RALGAPA2: variants seen among roughly 807,000 people sequenced by gnomAD.
RALGAPA2 encodes Ral GTPase activating protein catalytic subunit alpha 2, also known as ral GTPase-activating protein subunit alpha-2.
A neutral mutation model predicts 230.4 loss-of-function variants in RALGAPA2; 139 were observed. The ratio of observed to expected loss-of-function variants is 0.60; its 90% confidence interval spans 0.53 to 0.69. The LOEUF is 0.69. Among genes scored for constraint, RALGAPA2 ranks in the 30% least tolerant of loss-of-function variants. RALGAPA2 has a pLI of 0.00. For missense variants in RALGAPA2, 2,163 were observed against 2,276.0 expected (o/e 0.95, Z 1.01); for synonymous variants, 847 against 837.8 (o/e 1.01, Z -0.19).
chr20:20,537,951 C>CTAAG (rs2063541318), intron 24 of RALGAPA2, among the ~76,000 whole-genome samples: 1 of 152,198 alleles, frequency 6.6e-6, no homozygotes, highest in African/African-American at 2.4e-5. Context: ...CATATGGCTC[C>CTAAG]TAAGTGATGC....
chr20:20,710,615 T>C (rs1277976369), intron 1 of RALGAPA2, among the ~76,000 whole-genome samples: 1 of 152,132 alleles, frequency 6.6e-6, no homozygotes, highest in Non-Finnish European at 1.5e-5. Flanking sequence ...GAGGTCATGA[T>C]GAGTTCAGTG....
At chr20:20,451,929 TATAA>T (rs1171893409) in intron 37 of RALGAPA2, among the ~76,000 whole-genome samples, 2 of 152,258 alleles carry the variant, frequency 1.3e-5, no homozygotes, top group Non-Finnish European at 2.9e-5. Context: ...TTTAAAATAC[TATAA>T]TGTGAGCTTG....
At chr20:20,654,260 C>G (rs907934829) in intron 3 of RALGAPA2, among the ~76,000 whole-genome samples, 6 of 152,176 alleles carry the variant, frequency 3.9e-5, no homozygotes, top group Non-Finnish European at 7.4e-5. Context: ...GTGATTTCAG[C>G]TCACTGCAAC....
At chr20:20,521,447 C>T (rs1173118551) in intron 30 of RALGAPA2, among the ~76,000 whole-genome samples, 1 of 151,970 alleles carries the variant, frequency 6.6e-6, no homozygotes, top group African/African-American at 2.4e-5. Context: ...AGGCCAATCA[C>T]GGTGGAGGGT....
At chr20:20,665,107 C>G (rs1318010878) in intron 3 of RALGAPA2, among the ~76,000 whole-genome samples, 1 of 152,182 alleles carries the variant, frequency 6.6e-6, no homozygotes, top group Non-Finnish European at 1.5e-5. Flanking sequence ...AAAAAATCAA[C>G]TTACCAAAAC....
rs187123315 is a variant in RALGAPA2, at chr20:20,619,204, C to T, written c.1539+73G>A. 59 of 1,392,084 alleles carry T rather than the reference C, an allele frequency of 4.2e-5. No individual in the cohort carries two copies. The East Asian group carries it at 6.7e-4, about 16-fold the overall frequency. 86.2% of individuals were successfully genotyped at this position (1,392,084 alleles called of 1,614,324 possible). On this transcript the variant is annotated intron_variant, in intron 12 of 39. Coordinates refer to ENST00000202677, the MANE Select transcript of RALGAPA2 (RefSeq NM_020343.4). ...ACCATACTTTATATGACATTATCCC[C>T]AATAAACAAAAAGACAAAATGGCTC...
chr20:20,623,345 T>C (rs1024344838), intron 10 of RALGAPA2, among the ~76,000 whole-genome samples: 4 of 151,992 alleles, frequency 2.6e-5, no homozygotes. Context: ...ATAGACAAGA[T>C]AGACTTTGCG....
At chr20:20,467,087 A>G (rs1288356893) in intron 37 of RALGAPA2, among the ~76,000 whole-genome samples, 2 of 152,360 alleles carry the variant, frequency 1.3e-5, no homozygotes, top group African/African-American at 4.8e-5. Context: ...AAACCATACA[A>G]GACACACAAA....
Position 20,495,215 on chromosome 20 carries a change from G to T in RALGAPA2, c.5269C>A (p.Arg1757Ser). 6.2e-7 allele frequency: 1 copy of T among 1,610,850 alleles called. No individual in the cohort carries two copies. The highest frequency in any genetic ancestry group is 8.5e-7 in the Non-Finnish European group (1 of 1,177,448). ...AAGGCAGTTGGGATAATACCCCTGC[G>T]GTAGTCTCTGGAGTGTTCAGACCAG... ...IVWSEHSRDY[R>S]RGIIPTAFGD... The change falls in exon 36 of 40, where the codon CGC becomes AGC. Residue 1757 changes from arginine to serine, a missense_variant. Coordinates refer to ENST00000202677, the MANE Select transcript of RALGAPA2 (RefSeq NM_020343.4).
intron 18 of RALGAPA2, among the ~76,000 whole-genome samples, chr20:20,585,851 G>T (rs1325548680): frequency 2.0e-5 from 3 of 151,768 alleles, no homozygotes; most frequent in Non-Finnish European, 4.4e-5. Flanking sequence ...TTCAAGTGGG[G>T]AACAAGATGT....
At chr20:20,573,815 G>A (rs2064731041) in intron 20 of RALGAPA2, among the ~76,000 whole-genome samples, 1 of 152,150 alleles carries the variant, frequency 6.6e-6, no homozygotes, top group Non-Finnish European at 1.5e-5. Flanking sequence ...TTTTACAGAT[G>A]TGTCATAGTT....
At chr20:20,416,864 CAA>C (rs2060175966) in intron 37 of RALGAPA2, among the ~76,000 whole-genome samples, 1 of 152,124 alleles carries the variant, frequency 6.6e-6, no homozygotes, top group Non-Finnish European at 1.5e-5. Context: ...CTAAATTTCC[CAA>C]GAGTGGACAT....
At chr20:20,632,578 T>C (rs1397357558) in intron 9 of RALGAPA2, among the ~76,000 whole-genome samples, 2 of 152,234 alleles carry the variant, frequency 1.3e-5, no homozygotes, top group African/African-American at 4.8e-5. Flanking sequence ...CACCCATTAA[T>C]TAAGACTTTT....
intron 20 of RALGAPA2, among the ~76,000 whole-genome samples, chr20:20,574,837 A>C (rs150979985): frequency 1.2e-3 from 179 of 152,176 alleles, no homozygotes; most frequent in Non-Finnish European, 2.3e-3. Flanking sequence ...TGGATTCCAC[A>C]TCTCCAACCT....
intron 27 of RALGAPA2, among the ~76,000 whole-genome samples, chr20:20,527,652 C>T (rs140228639): frequency 6.6e-6 from 1 of 152,156 alleles, no homozygotes; most frequent in Admixed American, 6.6e-5. Flanking sequence ...TCTTCAGCTT[C>T]ATCCTATTCC....
At chr20:20,498,003 A>G (rs1569446080) in intron 35 of RALGAPA2, among the ~76,000 whole-genome samples, 1 of 152,226 alleles carries the variant, frequency 6.6e-6, no homozygotes, top group Non-Finnish European at 1.5e-5. Flanking sequence ...ATAAGAAAAC[A>G]GGTAGGTAAA....
rs150245438 is a variant in RALGAPA2, at chr20:20,400,484, A to AT, written c.5618-3751dup. On this transcript the variant is annotated intron_variant, in intron 38 of 39. Coordinates refer to ENST00000202677, the MANE Select transcript of RALGAPA2 (RefSeq NM_020343.4). ...CATTGGTAAAAAAAATTTTCCTGGC[A>AT]TTTTTTTCTTTCTCTCCCATGACTA... Among the ~76,000 whole-genome samples the AT allele has an allele frequency of 4.5e-3, 688 of 151,976 alleles. 11 individuals are homozygous for AT. The highest frequency in any genetic ancestry group is 0.016 in the African/African-American group (658 of 41,428).
Position 20,605,375 on chromosome 20 carries a change from A to G in RALGAPA2, c.1838T>C (p.Val613Ala). ...MVAWIRANLC[V>A]YISRELWDDF... is the part of the protein sequence containing the mutation. ...ATCCCAGAGCTCTCGAGAAATGTAC[A>G]CACAGAGGTTTGCTCGGATCCAAGC... Residue 613 changes from valine to alanine, a missense_variant, in exon 15 of 40, where the codon GTG becomes GCG. Physicochemically the swap from Val to Ala is moderately conservative, Grantham distance 64 (BLOSUM62 0). Coordinates refer to ENST00000202677, the MANE Select transcript of RALGAPA2 (RefSeq NM_020343.4). 1.2e-6 allele frequency: 2 copies of G among 1,613,888 alleles called. No individual in the cohort carries two copies. Among genetic ancestry groups the G allele is most frequent in the Non-Finnish European group, 1.7e-6 (2 of 1,179,834 alleles).
chr20:20,599,719 T>TC (rs2065574059), intron 16 of RALGAPA2, among the ~76,000 whole-genome samples: 1 of 152,162 alleles, frequency 6.6e-6, no homozygotes, highest in African/African-American at 2.4e-5. Flanking sequence ...GAGCCTGTAA[T>TC]CCCAACACTT....
Sources: gnomAD v4.1 joint callset for allele counts (sites outside exome capture counted in the v4.1 genomes callset) on GRCh38, gnomAD v4.1.1 for gene constraint, MANE v1.5 for transcripts, NCBI Gene and HGNC (gene_info 2026-07-23, HGNC 2026-07-21) for gene names.